VSTM2A: variants seen among roughly 807,000 people sequenced by gnomAD.
The protein encoded by VSTM2A is V-set and transmembrane domain-containing protein 2A.
In VSTM2A, 13 loss-of-function variants were observed where a neutral mutation model predicts 27.3. That is an observed-to-expected ratio of 0.48 (90% CI 0.31 to 0.76). The LOEUF (loss-of-function observed/expected upper bound fraction) is 0.76, where lower values mean the gene tolerates loss of function less well. Ranked by LOEUF, VSTM2A falls within the 30% of genes least tolerant of loss-of-function variation. The pLI is 0.05. For synonymous variants in VSTM2A, 142 were observed against 125.7 expected (o/e 1.13, Z -0.87); for missense variants, 280 against 310.0 (o/e 0.90, Z 0.73).
chr7:54,545,836 A>AG (rs1231349771), intron 2 of VSTM2A, among the ~76,000 whole-genome samples: 1 of 78,776 alleles, frequency 1.3e-5, no homozygotes, highest in Non-Finnish European at 2.4e-5. Flanking sequence ...AGAGAAGGGG[A>AG]GGGGGAAGGA....
chr7:54,562,908 GCAGA>G (rs994432260), intron 4 of VSTM2A, among the ~76,000 whole-genome samples: 1 of 152,190 alleles, frequency 6.6e-6, no homozygotes, highest in African/African-American at 2.4e-5. Context: ...AATAATGAAA[GCAGA>G]CAGTCAGGAA....
At chr7:54,547,047 G>T (rs772738784) in intron 3 of VSTM2A, 50 bp downstream of exon 3, 1 of 1,517,912 alleles carries the variant, frequency 6.6e-7, no homozygotes, top group East Asian at 2.6e-5. Flanking sequence ...GGGACGCACA[G>T]CCCTTCCCTG....
intron 4 of VSTM2A, among the ~76,000 whole-genome samples, chr7:54,552,816 G>C (rs1269259140): frequency 2.0e-5 from 3 of 152,154 alleles, no homozygotes; most frequent in African/African-American, 7.2e-5. Flanking sequence ...TTGATACAAA[G>C]AGGCATCCTT....
rs757093135 is a variant in VSTM2A at position 54,569,165 on chromosome 7, G to A, written c.669G>A (p.Arg223=). ...KSKSPVKSTE[R]TAKLTLNSKH... ...AATCGCCTGTAAAATCTACGGAGCG[G>A]ACAGCAAAGTTGACCCTAAACTCCA... Residue 223 remains arginine, a synonymous_variant, in exon 5 of 5, where the codon CGG becomes CGA. Coordinates refer to ENST00000402613, the MANE Select transcript of VSTM2A (RefSeq NM_001301009.2). 6.4e-7 allele frequency: 1 copy of A among 1,552,628 alleles called. No homozygotes were observed. The highest frequency in any genetic ancestry group is 1.2e-5 in the South Asian group (1 of 84,228).
At chr7:54,553,762 G>A in intron 4 of VSTM2A, 1 of 1,465,176 alleles carries the variant, frequency 6.8e-7, no homozygotes, top group South Asian at 1.3e-5. Flanking sequence ...GAGTGGTTTA[G>A]GTCCCTCTTC....
chr7:54,569,364 G>A lies in VSTM2A; in HGVS notation c.*145G>A, dbSNP rs951933222. The A allele has an allele frequency of 7.2e-7, 1 of 1,389,252 alleles. No individual in the cohort carries two copies. Among genetic ancestry groups the A allele is most frequent in the Non-Finnish European group, 9.6e-7 (1 of 1,045,516 alleles). 86.1% of individuals were successfully genotyped at this position (1,389,252 alleles called of 1,614,324 possible). A position where few individuals can be genotyped will look rare whatever the true frequency, so the allele number is the denominator to read the frequency against. ...GTGATAGAACGTTTTCTAATAGCAA[G>A]ATCTATTTTTTCCCTTTTCTTTCGG... On this transcript the variant is annotated 3_prime_UTR_variant, in exon 5 of 5. Transcript: ENST00000402613.
rs373616133 is a variant in VSTM2A, at chr7:54,544,757, T to C, written c.215T>C (p.Leu72Pro). Residue 72 changes from leucine (L) to proline (P), a missense_variant, in exon 2 of 5, where the codon CTG becomes CCG. By Grantham distance (98) the Leu-to-Pro change is moderately conservative (BLOSUM62 -3). Coordinates refer to ENST00000402613, the MANE Select transcript of VSTM2A (RefSeq NM_001301009.2). The part of the protein sequence containing the change: ...QWWFLRGPED[L>P]DPGAEGAGAQ... ...TGGTTCCTGCGGGGGCCGGAGGACC[T>C]GGATCCCGGGGCCGAGGGGGCCGGC... 45 of 1,611,786 alleles carry C rather than the reference T, an allele frequency of 2.8e-5. No individual in the cohort carries two copies. The East Asian group carries it at 6.7e-4, about 24-fold the overall frequency.
chr7:54,554,832 C>G (rs538550761), intron 4 of VSTM2A, among the ~76,000 whole-genome samples: 1 of 152,272 alleles, frequency 6.6e-6, no homozygotes, highest in East Asian at 1.9e-4. Flanking sequence ...TGAGGGAGCC[C>G]AAGCAAACAC....
intron 4 of VSTM2A, among the ~76,000 whole-genome samples, chr7:54,554,510 A>T (rs1405585724): frequency 6.6e-6 from 1 of 152,188 alleles, no homozygotes; most frequent in African/African-American, 2.4e-5. Flanking sequence ...CAGAGTAAGG[A>T]TGTCTGCACA....
At chr7:54,554,424 C>T (rs73118033) in intron 4 of VSTM2A, among the ~76,000 whole-genome samples, 13,962 of 152,196 alleles carry the variant, frequency 0.092, 761 homozygotes, top group Non-Finnish European at 0.12. Flanking sequence ...GTACTTCTGA[C>T]TCATTTCTGT....
At chr7:54,556,663 A>C (rs1788370726) in intron 4 of VSTM2A, among the ~76,000 whole-genome samples, 1 of 152,240 alleles carries the variant, frequency 6.6e-6, no homozygotes, top group South Asian at 2.1e-4. Context: ...AATAAGACAA[A>C]AATAGATATA....
intron 4 of VSTM2A, chr7:54,550,578 A>G (rs181586790): frequency 8.2e-6 from 2 of 243,292 alleles, no homozygotes; most frequent in East Asian, 1.8e-4. Flanking sequence ...GAGACATGCC[A>G]TATCATGCAT....
At position 54,552,158 on chromosome 7, in the gene VSTM2A, G is replaced by A. The variant is rs1356424508; in HGVS notation, c.634+1988G>A. ...CAAAATTGCTTTTTCTAGAGTTAAAGGTAGAAGGAGAGAAAAAAGTGACTC... is the reference window on the plus strand; with the variant it reads ...CAAAATTGCTTTTTCTAGAGTTAAAAGTAGAAGGAGAGAAAAAAGTGACTC... On this transcript the variant is annotated intron_variant, in intron 4 of 4. Coordinates refer to ENST00000402613, the MANE Select transcript of VSTM2A (RefSeq NM_001301009.2). 2.0e-5 allele frequency: 3 copies of A among 152,014 alleles called. No individual in the cohort carries two copies. The East Asian group carries it at 5.8e-4, about 29-fold the overall frequency. 9.4% of individuals were successfully genotyped at this position (152,014 alleles called of 1,614,324 possible).
chr7:54,560,525 A>G (rs1251567092), intron 4 of VSTM2A, among the ~76,000 whole-genome samples: 1 of 152,164 alleles, frequency 6.6e-6, no homozygotes, highest in Non-Finnish European at 1.5e-5. Context: ...GGAGCAATGC[A>G]TTGTCATTGG....
At position 54,570,948 on chromosome 7, in the gene VSTM2A, T is replaced by C. The variant is rs77125439; in HGVS notation, c.*1729T>C. 6.6e-6 allele frequency: 1 copy of C among 152,180 alleles called. No individual in the cohort carries two copies. The highest frequency in any genetic ancestry group is 6.5e-5 in the Admixed American group (1 of 15,286). 9.4% of individuals were successfully genotyped at this position (152,180 alleles called of 1,614,324 possible). On this transcript the variant is annotated 3_prime_UTR_variant, in exon 5 of 5. Coordinates refer to ENST00000402613, the MANE Select transcript of VSTM2A (RefSeq NM_001301009.2). ...TAAGCAAGTATATATTTTCATAATA[T>C]TCTTGACATTACCTGAGAAATAATA...
At chr7:54,563,367 C>G (rs1009840686) in intron 4 of VSTM2A, among the ~76,000 whole-genome samples, 2 of 152,106 alleles carry the variant, frequency 1.3e-5, no homozygotes, top group African/African-American at 4.8e-5. Context: ...TGATTACCTC[C>G]TGGGATCACA....
chr7:54,557,142 G>A (rs923115395), intron 4 of VSTM2A: 2 of 152,252 alleles, frequency 1.3e-5, no homozygotes, highest in East Asian at 3.9e-4. Flanking sequence ...CTGAACCAGT[G>A]CCTTCATCTG....
intron 3 of VSTM2A, among the ~76,000 whole-genome samples, chr7:54,547,478 T>G (rs543155838): frequency 6.6e-6 from 1 of 152,284 alleles, no homozygotes; most frequent in South Asian, 2.1e-4. Flanking sequence ...GTGCTGTTAT[T>G]AAGAATATAT....
At chr7:54,566,247 A>G (rs564046980) in intron 4 of VSTM2A, among the ~76,000 whole-genome samples, 1 of 152,346 alleles carries the variant, frequency 6.6e-6, no homozygotes, top group East Asian at 1.9e-4. Context: ...TTTTCTTCAC[A>G]TAATTTAGAT....
Sources: allele counts gnomAD v4.1 joint callset (sites outside exome capture counted in the v4.1 genomes callset), GRCh38; gene constraint gnomAD v4.1.1; transcripts MANE v1.5; gene names NCBI Gene and HGNC (gene_info 2026-07-23, HGNC 2026-07-21).